ANKRD17: variants seen among roughly 807,000 people sequenced by gnomAD.
ANKRD17 encodes the protein ankyrin repeat domain-containing protein 17.
In ANKRD17, 19 loss-of-function variants were observed where a neutral mutation model predicts 229.7. The observed-to-expected ratio is 0.08, with a 90% CI of 0.06 to 0.12. The LOEUF is 0.12. ANKRD17 is among the 10% of genes least tolerant of loss of function. The probability of loss-of-function intolerance (pLI) is 1.00; values close to 1 mark genes in which losing one functional copy is unlikely to be tolerated. For synonymous variants in ANKRD17, 1,112 were observed against 1,146.1 expected, an observed-to-expected ratio of 0.97 and a Z score of 0.60; for missense variants, 2,176 against 3,176.8, an observed-to-expected ratio of 0.68 and a Z score of 7.57.
intron 16 of ANKRD17, among the ~76,000 whole-genome samples, chr4:73,132,868 C>T (rs1329620978): frequency 2.0e-5 from 3 of 152,198 alleles, no homozygotes; most frequent in South Asian, 2.1e-4. Flanking sequence ...ATAAAGAAGT[C>T]TTTTTACATT....
At chr4:73,183,729 G>A (rs1447799202) in intron 1 of ANKRD17, among the ~76,000 whole-genome samples, 1 of 152,126 alleles carries the variant, frequency 6.6e-6, no homozygotes, top group African/African-American at 2.4e-5. Context: ...TCTCAAAAGT[G>A]CTGGGATTAC....
intron 1 of ANKRD17, among the ~76,000 whole-genome samples, chr4:73,218,781 T>G (rs1741455522): frequency 6.6e-6 from 1 of 151,964 alleles, no homozygotes; most frequent in South Asian, 2.1e-4. Flanking sequence ...CTGAAGGTAC[T>G]CAATAAATGC....
At chr4:73,165,207 A>T (rs1733071728) in intron 2 of ANKRD17, among the ~76,000 whole-genome samples, 2 of 152,318 alleles carry the variant, frequency 1.3e-5, no homozygotes, top group South Asian at 4.1e-4. Flanking sequence ...AACAGGAGTC[A>T]GGTATGAGAT....
chr4:73,222,849 C>G (rs1300365647), intron 1 of ANKRD17: 5 of 776,546 alleles, frequency 6.4e-6, no homozygotes, highest in Non-Finnish European at 1.1e-5. Flanking sequence ...CTGACCGTGT[C>G]TTGCTTTTAT....
chr4:73,227,672 A>G (rs1159141196), intron 1 of ANKRD17, among the ~76,000 whole-genome samples: 1 of 152,114 alleles, frequency 6.6e-6, no homozygotes, highest in African/African-American at 2.4e-5. Context: ...GAAGAGTGAA[A>G]CCTCTCATAA....
rs921329859 is a variant in ANKRD17, at chr4:73,212,753, C to T, written c.394-35220G>A. 8.5e-5 allele frequency among the ~76,000 whole-genome samples: 13 copies of T among 152,066 alleles called. No individual in the cohort carries two copies. The South Asian group carries it at 1.2e-3, about 15-fold the overall frequency. On this transcript the variant is annotated intron_variant, in intron 1 of 33. Transcript: ENST00000358602. ...GAATTTAGGCCAGCACAGTGGCTCACGCCTGTAATACCGGCACTTTGGGAG... is the reference window on the plus strand; with the variant it reads ...GAATTTAGGCCAGCACAGTGGCTCATGCCTGTAATACCGGCACTTTGGGAG...
In ANKRD17 at chr4:73,125,273, C is replaced by T; in HGVS notation, c.3274G>A (p.Ala1092Thr). 1 of 1,613,744 alleles carries T rather than the reference C, an allele frequency of 6.2e-7. No individual in the cohort carries two copies. Residue 1092 changes from alanine to threonine, a missense_variant, in exon 17 of 34, where the codon GCT (alanine) becomes ACT (threonine). Around this residue, in one of 18 missense-constraint regions of ANKRD17, gnomAD observed 230 missense variants for 252.3 expected, o/e 0.91. Transcript: ENST00000358602. The part of the protein sequence containing the change: ...NHDTALTLAC[A>T]GGHEELVQTL... ...TGTACCAGTTCCTCGTGGCCACCAG[C>T]ACAGGCAAGTGTTAGTGCCGTGTCA...
chr4:73,236,832 G>A (rs1022105190), intron 1 of ANKRD17, among the ~76,000 whole-genome samples: 5 of 152,110 alleles, frequency 3.3e-5, no homozygotes, highest in Non-Finnish European at 5.9e-5. Context: ...TTAGCCCTAA[G>A]GTAGATGAAG....
chr4:73,236,637 A>C (rs1743538872), intron 1 of ANKRD17, among the ~76,000 whole-genome samples: 1 of 152,222 alleles, frequency 6.6e-6, no homozygotes, highest in Admixed American at 6.5e-5. Context: ...TAAAAAAGGT[A>C]AAGAAAATTG....
chr4:73,219,516 A>C (rs528819784), intron 1 of ANKRD17, among the ~76,000 whole-genome samples: 54 of 152,310 alleles, frequency 3.5e-4, no homozygotes, highest in Admixed American at 2.2e-3. Flanking sequence ...AGACTCTTTC[A>C]ATTTTATTTA....
At chr4:73,120,826 A>AT (rs1277669592) in intron 20 of ANKRD17, 55 bp downstream of exon 20, 50 of 1,481,130 alleles carry the variant, frequency 3.4e-5, no homozygotes, top group Non-Finnish European at 4.5e-5. Flanking sequence ...TTGCTACTAT[A>AT]TATCTTAAAT....
At chr4:73,204,358 CAAA>C (rs374000000) in intron 1 of ANKRD17, among the ~76,000 whole-genome samples, 11 of 59,146 alleles carry the variant, frequency 1.9e-4, no homozygotes, top group African/African-American at 7.8e-4. Context: ...GAGACTCCGT[CAAA>C]AAAAAAAAAA....
intron 11 of ANKRD17, 133 bp downstream of exon 11, chr4:73,144,612 A>G (rs761788606): frequency 3.0e-5 from 14 of 468,888 alleles, no homozygotes; most frequent in African/African-American, 6.1e-5. Flanking sequence ...TATCCACTCA[A>G]TCATTAAATG....
rs147896963 is a variant in ANKRD17 at position 73,205,433 on chromosome 4, A to G, written c.394-27900T>C. 3.8e-3 allele frequency among the ~76,000 whole-genome samples: 577 copies of G among 152,322 alleles called. 3 individuals are homozygous for G. The highest frequency in any genetic ancestry group is 0.013 in the African/African-American group (548 of 41,564). On this transcript the variant is annotated intron_variant, in intron 1 of 33. Coordinates refer to ENST00000358602, the MANE Select transcript of ANKRD17 (RefSeq NM_032217.5). ...GAACAGAATAAAGAACCCAGAAATC[A>G]ATCTACCCATTTTATGGTCAATTGA...
intron 1 of ANKRD17, among the ~76,000 whole-genome samples, chr4:73,243,825 G>C (rs1160896719): frequency 2.6e-5 from 4 of 152,176 alleles, no homozygotes; most frequent in Non-Finnish European, 5.9e-5. Flanking sequence ...AATGACGTTG[G>C]CAACTTGTTG....
At position 73,098,197 on chromosome 4, in the gene ANKRD17, G is replaced by A. The variant is rs772545052; in HGVS notation, c.4897C>T (p.Arg1633Cys). The A allele has an allele frequency of 1.2e-5, 20 of 1,614,026 alleles. No homozygotes were observed. Among genetic ancestry groups the A allele is most frequent in the Non-Finnish European group, 1.5e-5 (18 of 1,180,030 alleles). ...SDESSNSNSS[R>C]KSDNHSPAVV... ...GCTGGTGAATGATTGTCACTCTTACGACTGCTGTTGCTGTTACTACTTTCA... is the reference window on the plus strand; with the variant it reads ...GCTGGTGAATGATTGTCACTCTTACAACTGCTGTTGCTGTTACTACTTTCA... Residue 1633 changes from arginine to cysteine, a missense_variant, in exon 26 of 34, where the codon CGT (arginine) becomes TGT (cysteine). Physicochemically the swap from Arg to Cys is radical, Grantham distance 180. This residue lies in a region of ANKRD17 where 98 missense variants were observed against 101.0 expected (regional missense o/e 0.97). Coordinates refer to ENST00000358602, the MANE Select transcript of ANKRD17 (RefSeq NM_032217.5).
intron 30 of ANKRD17, among the ~76,000 whole-genome samples, 189 bp downstream of exon 30, chr4:73,085,060 A>G (rs1467426601): frequency 2.0e-5 from 3 of 152,172 alleles, no homozygotes; most frequent in African/African-American, 7.2e-5. Context: ...AAAAACTTCA[A>G]TATTTTAGGT....
At chr4:73,232,516 T>G (rs1055048039) in intron 1 of ANKRD17, among the ~76,000 whole-genome samples, 1 of 152,214 alleles carries the variant, frequency 6.6e-6, no homozygotes, top group African/African-American at 2.4e-5. Context: ...AAATCGAGCA[T>G]GTAAGCCAGT....
intron 23 of ANKRD17, among the ~76,000 whole-genome samples, chr4:73,115,295 T>C (rs1416602107): frequency 2.0e-5 from 3 of 152,192 alleles, no homozygotes; most frequent in Non-Finnish European, 2.9e-5. Context: ...TTTTTGTTGT[T>C]ATTTTATTTT....
Sources: gnomAD v4.1 joint callset for allele counts (sites outside exome capture counted in the v4.1 genomes callset) on GRCh38, gnomAD v4.1.1 for gene constraint, gnomAD v4.1.1 regional missense constraint, MANE v1.5 for transcripts, NCBI Gene and HGNC (gene_info 2026-07-23, HGNC 2026-07-21) for gene names.